Variants in SPATA6L observed in about 807,000 individuals in gnomAD.
SPATA6L encodes the protein spermatogenesis associated 6 like.
SPATA6L carries 68 observed loss-of-function variants against 49.2 expected under a neutral mutation model. The observed-to-expected ratio is 1.38, with a 90% CI of 1.14 to 1.69. The LOEUF (loss-of-function observed/expected upper bound fraction) is 1.69. Among genes scored for constraint, SPATA6L ranks in the 40% most tolerant of loss-of-function variants. The pLI, the probability that SPATA6L is intolerant of heterozygous loss-of-function variation, is 0.00. For missense variants in SPATA6L, 668 were observed against 464.3 expected, an observed-to-expected ratio of 1.44 and a Z score of -4.03; for synonymous variants, 198 against 165.7, an observed-to-expected ratio of 1.19 and a Z score of -1.50.
chr9:4,643,154 C>A (rs1834416428), intron 3 of SPATA6L, among the ~76,000 whole-genome samples: 1 of 152,160 alleles, frequency 6.6e-6, no homozygotes. Context: ...ATTACAGGCA[C>A]CTGACATCAT....
chr9:4,618,122 T>G lies in SPATA6L; in HGVS notation c.808-12A>C. ...GGCTCTTTGATAACCTGAGTGACAA[T>G]ATGCATTATTTAGTTGTAATTTTGC... On this transcript the variant is annotated splice_polypyrimidine_tract_variant and intron_variant, in intron 8 of 11. Transcript: ENST00000682582. The G allele has an allele frequency of 6.3e-7, 1 of 1,588,576 alleles. No homozygotes were observed. Among genetic ancestry groups the G allele is most frequent in the Non-Finnish European group, 8.6e-7 (1 of 1,164,364 alleles).
chr9:4,644,896 T>C (rs1835003774), intron 3 of SPATA6L, among the ~76,000 whole-genome samples: 1 of 152,188 alleles, frequency 6.6e-6, no homozygotes, highest in Non-Finnish European at 1.5e-5. Context: ...TAGAATCTCA[T>C]GATTCTAGCA....
At chr9:4,660,739 T>C (rs1364211796) in intron 2 of SPATA6L, among the ~76,000 whole-genome samples, 5 of 152,248 alleles carry the variant, frequency 3.3e-5, no homozygotes, top group Admixed American at 6.5e-5. Context: ...CACGTATGTT[T>C]ATTGCAGCAC....
intron 3 of SPATA6L, among the ~76,000 whole-genome samples, chr9:4,654,510 C>G (rs1251898474): frequency 6.6e-6 from 1 of 152,208 alleles, no homozygotes; most frequent in African/African-American, 2.4e-5. Flanking sequence ...ATTAGACCCT[C>G]TACCATGTCG....
intron 2 of SPATA6L, among the ~76,000 whole-genome samples, chr9:4,658,909 C>T (rs975741081): frequency 6.8e-6 from 1 of 148,124 alleles, no homozygotes; most frequent in African/African-American, 2.5e-5. Flanking sequence ...AAGGTCTTGC[C>T]ACTGCACTCC....
intron 2 of SPATA6L, among the ~76,000 whole-genome samples, chr9:4,660,602 C>A (rs959904612): frequency 3.3e-5 from 5 of 152,236 alleles, no homozygotes; most frequent in Non-Finnish European, 5.9e-5. Flanking sequence ...ACTAGTTCAA[C>A]CCATGTGGAA....
chr9:4,628,150 A>G (rs538221861), intron 5 of SPATA6L: 1 of 172,840 alleles, frequency 5.8e-6, no homozygotes, highest in South Asian at 9.0e-5. Flanking sequence ...AAAGGGCACA[A>G]AAAAAAAATA....
At chr9:4,592,433 T>C (rs991505524) in intron 13 of SPATA6L, among the ~76,000 whole-genome samples, 1 of 152,194 alleles carries the variant, frequency 6.6e-6, no homozygotes, top group African/African-American at 2.4e-5. Flanking sequence ...ACTCATTTAA[T>C]TTCATAACAG....
At chr9:4,622,646 G>C (rs1564189473) in intron 6 of SPATA6L, 136 bp from the exon 7 acceptor site, 1 of 602,358 alleles carries the variant, frequency 1.7e-6, no homozygotes, top group Non-Finnish European at 2.9e-6. Context: ...ACCACCTAGA[G>C]CACAGTCTGC....
At chr9:4,655,917 C>A in intron 3 of SPATA6L, 124 bp downstream of exon 3, 1 of 769,650 alleles carries the variant, frequency 1.3e-6, no homozygotes, top group East Asian at 2.8e-5. Flanking sequence ...TTTACGTAGG[C>A]TGTCTTGAAA....
chr9:4,664,193 T>A (rs994068014), intron 1 of SPATA6L: 1 of 167,100 alleles, frequency 6.0e-6, no homozygotes, highest in Non-Finnish European at 1.5e-5. Flanking sequence ...CCACATATTA[T>A]GCCAGTGACC....
rs947052787 is a variant in SPATA6L, at chr9:4,663,043, G to C, written c.40-1007C>G. 5 of 1,613,786 alleles carry C rather than the reference G, an allele frequency of 3.1e-6. No individual in the cohort carries two copies. In the African/African-American group the frequency reaches 5.3e-5, roughly 17 times the overall value. On this transcript the variant is annotated intron_variant, in intron 1 of 11. Transcript: ENST00000682582. ...GCCACAAGGGCCGCCCTGATGTCGA[G>C]GTTCATCCTGAACCACCTGGTGCTG...
rs1822954122 is a variant in SPATA6L, at chr9:4,600,485, GAGAGAGCC to G, written c.*318_*325del. ...TGAGAGAGAGAGACAGAGAGAGCCAGAGAGAGCCAGAGAGAGAGAGAGGGGAAGTGTTC... is the reference window on the plus strand; with the variant it reads ...TGAGAGAGAGAGACAGAGAGAGCCAGAGAGAGAGAGAGAGGGGAAGTGTTC... On this transcript the variant is annotated 3_prime_UTR_variant, in exon 12 of 12. Coordinates refer to ENST00000682582, the MANE Select transcript of SPATA6L (RefSeq NM_001353486.2). 1 of 147,190 alleles carries G rather than the reference GAGAGAGCC, an allele frequency of 6.8e-6. No homozygotes were observed. The highest frequency in any genetic ancestry group is 2.5e-5 in the African/African-American group (1 of 40,380). 9.1% of individuals were successfully genotyped at this position (147,190 alleles called of 1,614,324 possible). A position where few individuals can be genotyped will look rare whatever the true frequency, so the allele number is the denominator to read the frequency against.
intron 2 of SPATA6L, 133 bp downstream of exon 2, chr9:4,661,765 CA>C (rs1839827463): frequency 2.0e-5 from 24 of 1,219,054 alleles, no homozygotes; most frequent in East Asian, 2.6e-5. Flanking sequence ...TGCGGTTTTG[CA>C]TTGTGCTGAA....
At chr9:4,617,213 A>G (rs1411714550) in intron 9 of SPATA6L, among the ~76,000 whole-genome samples, 1 of 152,186 alleles carries the variant, frequency 6.6e-6, no homozygotes, top group African/African-American at 2.4e-5. Flanking sequence ...CGTCACTAAT[A>G]ATGCAGAGAA....
chr9:4,650,314 TC>T (rs1836513845), intron 3 of SPATA6L, among the ~76,000 whole-genome samples: 1 of 152,200 alleles, frequency 6.6e-6, no homozygotes, highest in African/African-American at 2.4e-5. Flanking sequence ...CCTAATTCTT[TC>T]AACTGAGTAA....
Position 4,599,483 on chromosome 9 carries a change from C to G in SPATA6L, c.*1328G>C, listed in dbSNP as rs1437147659. 6.6e-6 allele frequency among the ~76,000 whole-genome samples: 1 copy of G among 152,058 alleles called. No individual in the cohort carries two copies. Among genetic ancestry groups the G allele is most frequent in the Non-Finnish European group, 1.5e-5 (1 of 68,010 alleles). ...CTCACTGAATCTTCTAAAAACTGAA[C>G]AAGTTTTAGGGTAGTGTCTTACTCT... On this transcript the variant is annotated 3_prime_UTR_variant, in exon 12 of 12. Transcript: ENST00000682582.
chr9:4,638,089 G>C (rs56712815), intron 3 of SPATA6L, among the ~76,000 whole-genome samples: 13,640 of 152,160 alleles, frequency 0.09, 1,091 homozygotes, highest in African/African-American at 0.21. Context: ...TACAGTCTAA[G>C]AGTATTAAAC....
At position 4,629,180 on chromosome 9, in the gene SPATA6L, C is replaced by T. The variant is rs749142901; in HGVS notation, c.352-12G>A. The T allele has an allele frequency of 3.8e-6, 6 of 1,565,218 alleles. No homozygotes were observed. The highest frequency in any genetic ancestry group is 3.5e-6 in the Non-Finnish European group (4 of 1,154,312). ...TTGGGAGCAATGCCCTATAAAACAG[C>T]ATAAAAAAAGCAAATAAAATTACTA... On this transcript the variant is annotated splice_polypyrimidine_tract_variant and intron_variant, in intron 4 of 11. Transcript: ENST00000682582.
Sources: gnomAD v4.1 joint callset for allele counts (sites outside exome capture counted in the v4.1 genomes callset) on GRCh38, gnomAD v4.1.1 for gene constraint, MANE v1.5 for transcripts, NCBI Gene and HGNC (gene_info 2026-07-23, HGNC 2026-07-21) for gene names.